The following ZC3H6 variants were observed in gnomAD, a reference collection of about 807,000 sequenced individuals.
ZC3H6 encodes zinc finger CCCH-type containing 6, also known as zinc finger CCCH domain-containing protein 6.
ZC3H6 carries 40 observed loss-of-function variants against 107.7 expected under a neutral mutation model. The ratio of observed to expected loss-of-function variants is 0.37; its 90% CI spans 0.29 to 0.48. The LOEUF is 0.48. Among genes scored for constraint, ZC3H6 ranks in the 20% least tolerant of loss-of-function variants. The probability of loss-of-function intolerance (pLI) is 0.98; values close to 1 mark genes in which losing one functional copy is unlikely to be tolerated. For synonymous variants in ZC3H6, 493 were observed against 487.9 expected, an observed-to-expected ratio of 1.01 and a Z score of -0.14; for missense variants, 1,267 against 1,410.4, an observed-to-expected ratio of 0.90 and a Z score of 1.63.
chr2:112,327,531 C>A (rs1365280901), intron 11 of ZC3H6, among the ~76,000 whole-genome samples: 3 of 152,120 alleles, frequency 2.0e-5, no homozygotes, highest in Non-Finnish European at 4.4e-5. Flanking sequence ...CCCATTTGTC[C>A]ATTTTTGCTT....
At chr2:112,298,283 C>T (rs1480243837) in intron 1 of ZC3H6, among the ~76,000 whole-genome samples, 3 of 151,906 alleles carry the variant, frequency 2.0e-5, no homozygotes, top group Admixed American at 6.6e-5. Flanking sequence ...AAAAGAAGGA[C>T]GGTGACACAA....
At chr2:112,280,809 A>C (rs1686512898) in intron 1 of ZC3H6, among the ~76,000 whole-genome samples, 2 of 152,118 alleles carry the variant, frequency 1.3e-5, no homozygotes, top group African/African-American at 4.8e-5. Flanking sequence ...GTGTACAACT[A>C]TTTTGGGGAA....
Position 112,334,462 on chromosome 2 carries a change from C to T in ZC3H6, c.*1974C>T, listed in dbSNP as rs1677103964. On this transcript the variant is annotated 3_prime_UTR_variant, in exon 12 of 12. Coordinates refer to ENST00000409871, the MANE Select transcript of ZC3H6 (RefSeq NM_198581.3). ...ATCAAAATAGAATCCAAACTCTTAACCGAATATCTTTTTTACAACTAAAAG... is the reference window on the plus strand; with the variant it reads ...ATCAAAATAGAATCCAAACTCTTAATCGAATATCTTTTTTACAACTAAAAG... 1 of 151,962 alleles carries T rather than the reference C, an allele frequency of 6.6e-6. No individual in the cohort carries two copies. The highest frequency in any genetic ancestry group is 1.5e-5 in the Non-Finnish European group (1 of 67,936). 9.4% of individuals were successfully genotyped at this position (151,962 alleles called of 1,614,324 possible).
intron 1 of ZC3H6, among the ~76,000 whole-genome samples, chr2:112,293,491 T>C (rs1650685203): frequency 6.6e-6 from 1 of 152,236 alleles, no homozygotes; most frequent in Admixed American, 6.5e-5. Context: ...CAAGAGGAAC[T>C]GTTTATGAAA....
At chr2:112,306,833 C>G (rs928519019) in intron 3 of ZC3H6, among the ~76,000 whole-genome samples, 2 of 152,158 alleles carry the variant, frequency 1.3e-5, no homozygotes, top group Admixed American at 6.5e-5. Flanking sequence ...CCTTTTGTTT[C>G]CATAGACAAC....
chr2:112,329,658 A>G (rs1047997785), intron 11 of ZC3H6, among the ~76,000 whole-genome samples: 2 of 152,250 alleles, frequency 1.3e-5, no homozygotes, highest in African/African-American at 4.8e-5. Context: ...TCCATGTAGT[A>G]GGCATGCATT....
At chr2:112,295,655 T>C (rs1676218070) in intron 1 of ZC3H6, among the ~76,000 whole-genome samples, 1 of 152,188 alleles carries the variant, frequency 6.6e-6, no homozygotes, top group South Asian at 2.1e-4. Context: ...ATTATTTTTC[T>C]CTATTTCCTC....
chr2:112,286,769 A>G (rs1196971852), intron 1 of ZC3H6, among the ~76,000 whole-genome samples: 1 of 152,204 alleles, frequency 6.6e-6, no homozygotes, highest in African/African-American at 2.4e-5. Flanking sequence ...ATATGATGGT[A>G]ACTGAATGAT....
Position 112,336,703 on chromosome 2 carries a change from G to C in ZC3H6, c.*4215G>C, listed in dbSNP as rs1677140828. The C allele has an allele frequency of 6.6e-6, 1 of 152,110 alleles. No homozygotes were observed. The highest frequency in any genetic ancestry group is 2.1e-4 in the South Asian group (1 of 4,824). The allele number at this position is 152,110 out of a possible 1,614,324, so 9.4% of individuals were successfully genotyped here. On this transcript the variant is annotated 3_prime_UTR_variant, in exon 12 of 12. Coordinates refer to ENST00000409871, the MANE Select transcript of ZC3H6 (RefSeq NM_198581.3). Reference sequence around the variant, plus strand: ...ATGTCATTTATGTCATTTATCAGCAGTATCTGCCAGTTGTGACAAAGCCCT... The same window carrying C: ...ATGTCATTTATGTCATTTATCAGCACTATCTGCCAGTTGTGACAAAGCCCT...
chr2:112,324,053 T>C, intron 9 of ZC3H6, 99 bp from the exon 10 acceptor site: 1 of 1,307,050 alleles, frequency 7.7e-7, no homozygotes, highest in Non-Finnish European at 1.0e-6. Context: ...TCTATTCTGA[T>C]GTAAAAAAAG....
chr2:112,328,454 T>A (rs2104725319), intron 11 of ZC3H6, among the ~76,000 whole-genome samples: 1 of 152,350 alleles, frequency 6.6e-6, no homozygotes, highest in Middle Eastern at 3.4e-3. Context: ...TATTGATTCT[T>A]CCAATCCATG....
At chr2:112,287,882 G>T (rs570347849) in intron 1 of ZC3H6, among the ~76,000 whole-genome samples, 1 of 152,378 alleles carries the variant, frequency 6.6e-6, no homozygotes, top group East Asian at 1.9e-4. Flanking sequence ...GATTACAGGC[G>T]TGAGCCACCG....
chr2:112,299,605 G>A (rs768116309), intron 1 of ZC3H6, among the ~76,000 whole-genome samples: 4 of 152,208 alleles, frequency 2.6e-5, no homozygotes, highest in South Asian at 2.1e-4. Flanking sequence ...TGCAAACTTC[G>A]GCTGCTGATA....
chr2:112,289,515 CGG>C (rs1389243930), intron 1 of ZC3H6, among the ~76,000 whole-genome samples: 4 of 151,624 alleles, frequency 2.6e-5, no homozygotes, highest in African/African-American at 9.7e-5. Context: ...TTAGTAGAGA[CGG>C]GGTTTCACCG....
chr2:112,324,200 G>T lies in ZC3H6; in HGVS notation c.1389G>T (p.Gln463His), dbSNP rs1676857611. The T allele has an allele frequency of 5.6e-6, 9 of 1,593,736 alleles. No homozygotes were observed. Among genetic ancestry groups the T allele is most frequent in the Non-Finnish European group, 6.9e-6 (8 of 1,163,178 alleles). The change falls in exon 10 of 12, where the codon CAG becomes CAT. Residue 463 changes from glutamine to histidine, a missense_variant. Around this residue, in one of 3 missense-constraint regions of ZC3H6, gnomAD observed 925 missense variants for 1,025.7 expected, o/e 0.90. Coordinates refer to ENST00000409871, the MANE Select transcript of ZC3H6 (RefSeq NM_198581.3). Reference protein sequence around the residue: ...TSASPPGPQFQGSSPHPQHIY... With the variant: ...TSASPPGPQFHGSSPHPQHIY... Reference sequence around the variant, plus strand: ...CCTCACCACCAGGACCACAATTTCAGGGAAGCAGTCCACACCCTCAACATA... The same window carrying T: ...CCTCACCACCAGGACCACAATTTCATGGAAGCAGTCCACACCCTCAACATA...
intron 7 of ZC3H6, among the ~76,000 whole-genome samples, chr2:112,320,709 G>A (rs528864535): frequency 6.6e-6 from 1 of 151,822 alleles, no homozygotes; most frequent in Middle Eastern, 3.4e-3. Flanking sequence ...ATTCTTATGG[G>A]GTTTTTGTTA....
intron 1 of ZC3H6, among the ~76,000 whole-genome samples, chr2:112,278,813 A>G (rs1477095645): frequency 6.6e-6 from 1 of 152,142 alleles, no homozygotes; most frequent in Admixed American, 6.5e-5. Context: ...AAAGAAATAG[A>G]GTCTCGCTAT....
In ZC3H6 at chr2:112,299,954, C is replaced by T; in HGVS notation, c.138C>T (p.Tyr46=). ...ENEKQKSEKA[Y]RKSRKKHKKE... ...AAAAGCAGAAAAGTGAGAAAGCCTA[C>T]AGAAAATCAAGAAAAAAACATAAGA... is the stretch of plus-strand genomic sequence containing the variant. The change falls in exon 2 of 12, where the codon TAC becomes TAT. Residue 46 remains tyrosine (Y), a synonymous_variant. Transcript: ENST00000409871. 4.7e-6 allele frequency: 7 copies of T among 1,501,876 alleles called. No homozygotes were observed. Among genetic ancestry groups the T allele is most frequent in the Non-Finnish European group, 6.2e-6 (7 of 1,126,138 alleles). 93.0% of individuals were successfully genotyped at this position (1,501,876 alleles called of 1,614,324 possible). A position where few individuals can be genotyped will look rare whatever the true frequency, so the allele number is the denominator to read the frequency against.
chr2:112,278,214 A>G (rs1234313222), intron 1 of ZC3H6, among the ~76,000 whole-genome samples: 5 of 152,386 alleles, frequency 3.3e-5, no homozygotes, highest in East Asian at 1.9e-4. Context: ...ATCTTTCCAT[A>G]TAATAGCTAT....
Sources: gnomAD v4.1 joint callset for allele counts (sites outside exome capture counted in the v4.1 genomes callset) on GRCh38, gnomAD v4.1.1 for gene constraint, gnomAD v4.1.1 regional missense constraint, MANE v1.5 for transcripts, NCBI Gene and HGNC (gene_info 2026-07-23, HGNC 2026-07-21) for gene names.